The following DST variants were observed in gnomAD, a reference collection of about 807,000 sequenced individuals.
DST encodes the protein dystonin.
In DST, 253 loss-of-function variants were observed where a neutral mutation model predicts 875.2. The observed-to-expected ratio is 0.29, with a 90% CI of 0.26 to 0.32. The LOEUF (loss-of-function observed/expected upper bound fraction) is 0.32. Ranked by LOEUF, DST falls within the 10% of genes least tolerant of loss-of-function variation. The probability of loss-of-function intolerance (pLI) is 1.00; values close to 1 mark genes in which losing one functional copy is unlikely to be tolerated. For synonymous variants in DST, 3,124 were observed against 3,197.1 expected (o/e 0.98, Z 0.77); for missense variants, 8,287 against 9,111.6 (o/e 0.91, Z 3.68).
At chr6:56,752,329 T>G (rs1044598522) in intron 4 of DST, among the ~76,000 whole-genome samples, 5 of 152,166 alleles carry the variant, frequency 3.3e-5, no homozygotes, top group Non-Finnish European at 7.4e-5. Flanking sequence ...TGCTTTTTTT[T>G]TTTAAATCAA....
chr6:56,657,453 C>T (rs111698270), intron 10 of DST, among the ~76,000 whole-genome samples: 58 of 151,966 alleles, frequency 3.8e-4, no homozygotes, highest in African/African-American at 1.2e-3. Context: ...GAATAAAAAA[C>T]CCACCTAAAC....
At chr6:56,717,094 A>G (rs62412540) in intron 5 of DST, among the ~76,000 whole-genome samples, 3,784 of 152,160 alleles carry the variant, frequency 0.025, 73 homozygotes, top group Middle Eastern at 0.058. Flanking sequence ...GAGGCAGAAG[A>G]ATGGCGTGAA....
chr6:56,922,589 C>A (rs535271014), intron 2 of DST, among the ~76,000 whole-genome samples: 2 of 148,588 alleles, frequency 1.3e-5, no homozygotes, highest in South Asian at 4.2e-4. Flanking sequence ...CTTTGCTAAA[C>A]CCTCTGTTTT....
chr6:56,531,818 T>G (rs2096900571), intron 64 of DST, among the ~76,000 whole-genome samples: 1 of 152,150 alleles, frequency 6.6e-6, no homozygotes, highest in African/African-American at 2.4e-5. Flanking sequence ...TTCATGAAGT[T>G]AGAGCACCCT....
At position 56,671,767 on chromosome 6, in the gene DST, C is replaced by T. The variant is rs151005642; in HGVS notation, c.1048-960G>A. On this transcript the variant is annotated intron_variant, in intron 9 of 103. Transcript: ENST00000680361. ...CAAGGGATCAACAAGACAGGCTGCA[C>T]GCCAGAATCAGAATGAGCAAGTCAG... 1.6e-3 allele frequency among the ~76,000 whole-genome samples: 239 copies of T among 152,240 alleles called. 6 individuals are homozygous for T. The East Asian group carries it at 0.041, about 26-fold the overall frequency.
chr6:56,802,430 T>C (rs1442000031), intron 4 of DST, among the ~76,000 whole-genome samples: 1 of 152,144 alleles, frequency 6.6e-6, no homozygotes, highest in Non-Finnish European at 1.5e-5. Flanking sequence ...TTTTAATAAA[T>C]ATTTTTGTTT....
At chr6:56,863,958 C>A (rs1772666325) in intron 3 of DST, 1 of 152,174 alleles carries the variant, frequency 6.6e-6, no homozygotes, top group African/African-American at 2.4e-5. Context: ...ATTTTATGTG[C>A]CAACTTGGCT....
At chr6:56,544,841 A>T (rs1467858751) in intron 61 of DST, among the ~76,000 whole-genome samples, 2 of 152,214 alleles carry the variant, frequency 1.3e-5, no homozygotes, top group Non-Finnish European at 2.9e-5. Flanking sequence ...TCACATTCCA[A>T]AGTCTTACCT....
intron 4 of DST, among the ~76,000 whole-genome samples, chr6:56,833,195 A>G (rs2099789426): frequency 6.6e-6 from 1 of 152,230 alleles, no homozygotes; most frequent in African/African-American, 2.4e-5. Context: ...CGACTCTTCT[A>G]AAATATGTTA....
chr6:56,485,302 A>C lies in DST; in HGVS notation c.21207+10T>G. 3 of 1,613,454 alleles carry C rather than the reference A, an allele frequency of 1.9e-6. No individual in the cohort carries two copies. The highest frequency in any genetic ancestry group is 2.2e-5 in the South Asian group (2 of 90,952). On this transcript the variant is annotated intron_variant, in intron 88 of 103. Coordinates refer to ENST00000680361, the MANE Select transcript of DST (RefSeq NM_001374736.1). Reference sequence around the variant, plus strand: ...AACAAGATAAAATAAAATGTCCCAGATAACAATACCTTGTGATTATCGATC... The same window carrying C: ...AACAAGATAAAATAAAATGTCCCAGCTAACAATACCTTGTGATTATCGATC...
chr6:56,616,573 C>G, intron 36 of DST: 1 of 1,614,096 alleles, frequency 6.2e-7, no homozygotes, highest in Non-Finnish European at 8.5e-7. Context: ...ACAGAGCTTG[C>G]TTGTTATTGG....
chr6:56,620,696 G>A (rs1215325120), intron 36 of DST: 7 of 1,613,936 alleles, frequency 4.3e-6, no homozygotes, highest in African/African-American at 2.7e-5. Context: ...ATGTTCAGAA[G>A]TCTCCTTACA....
chr6:56,572,724 C>A, intron 52 of DST, 23 bp downstream of exon 52: 1 of 1,524,554 alleles, frequency 6.6e-7, no homozygotes, highest in East Asian at 2.3e-5. Context: ...TGATTAGCCT[C>A]CTGAGTAGTA....
chr6:56,813,754 T>C (rs1467078927), intron 4 of DST, among the ~76,000 whole-genome samples: 5 of 152,152 alleles, frequency 3.3e-5, no homozygotes, highest in Non-Finnish European at 7.4e-5. Context: ...TGAGATGGTG[T>C]TTTTGTGGTT....
chr6:56,892,881 G>C (rs917187636), intron 3 of DST, among the ~76,000 whole-genome samples: 1 of 152,176 alleles, frequency 6.6e-6, no homozygotes, highest in Admixed American at 6.5e-5. Flanking sequence ...AGAATTCATG[G>C]TCTAGGGGAG....
chr6:56,764,367 T>G (rs1295168439), intron 4 of DST, among the ~76,000 whole-genome samples: 1 of 152,198 alleles, frequency 6.6e-6, no homozygotes, highest in Non-Finnish European at 1.5e-5. Flanking sequence ...TTCTTTCACT[T>G]TCTTTGGTCA....
chr6:56,666,871 T>A (rs2099074931), intron 10 of DST, among the ~76,000 whole-genome samples: 1 of 149,366 alleles, frequency 6.7e-6, no homozygotes. Flanking sequence ...AAGAAGAAAA[T>A]GAGGTGGAGG....
In DST at chr6:56,630,232, GT is replaced by G. The variant is rs1156312033; in HGVS notation, c.4281+12del. On this transcript the variant is annotated intron_variant, in intron 31 of 103. Coordinates refer to ENST00000680361, the MANE Select transcript of DST (RefSeq NM_001374736.1). ...ATACGATATTTAAAAATATCCAAAA[GT>G]GAGTCTCATACCTTTAAAGTACTTA... 2.6e-6 allele frequency: 4 copies of G among 1,549,362 alleles called. No individual in the cohort carries two copies. The highest frequency in any genetic ancestry group is 3.6e-6 in the Non-Finnish European group (4 of 1,124,802).
intron 17 of DST, among the ~76,000 whole-genome samples, chr6:56,640,836 G>A (rs993973445): frequency 2.0e-5 from 3 of 152,020 alleles, no homozygotes; most frequent in Admixed American, 6.6e-5. Flanking sequence ...ATGCCTAAAC[G>A]GCTCAAAAAT....
Sources: gnomAD v4.1 joint callset for allele counts (sites outside exome capture counted in the v4.1 genomes callset) on GRCh38, gnomAD v4.1.1 for gene constraint, MANE v1.5 for transcripts, NCBI Gene and HGNC (gene_info 2026-07-23, HGNC 2026-07-21) for gene names.